TYW3: variants seen among roughly 807,000 people sequenced by gnomAD.
TYW3 encodes tRNA wybutosine-synthesizing protein 3 homolog.
A neutral mutation model predicts 23.1 loss-of-function variants in TYW3; 26 were observed. The ratio of observed to expected loss-of-function variants is 1.13; its 90% CI spans 0.83 to 1.56. TYW3 has a LOEUF of 1.56. Ranked by LOEUF, TYW3 falls within the 40% of genes most tolerant of loss-of-function variation. The probability of loss-of-function intolerance (pLI) is 0.00; values close to 1 mark genes in which losing one functional copy is unlikely to be tolerated. For missense variants in TYW3, 316 were observed against 311.9 expected (o/e 1.01, Z -0.10); for synonymous variants, 102 against 105.7 (o/e 0.97, Z 0.21).
intron 1 of TYW3, among the ~76,000 whole-genome samples, chr1:74,734,443 A>G (rs1240738924): frequency 6.6e-6 from 1 of 152,240 alleles, no homozygotes; most frequent in Non-Finnish European, 1.5e-5. Flanking sequence ...TGGATCTGCC[A>G]ACAGTAAGTT....
In TYW3 at chr1:74,733,298, G is replaced by T. The variant is rs373297788; in HGVS notation, c.54G>T (p.Ala18=). 1.6e-5 allele frequency: 26 copies of T among 1,614,080 alleles called. No homozygotes were observed. The highest frequency in any genetic ancestry group is 1.6e-4 in the Middle Eastern group (1 of 6,084). Residue 18 remains alanine (A), a synonymous_variant, in exon 1 of 6, where the codon GCG becomes GCT. Coordinates refer to ENST00000370867, the MANE Select transcript of TYW3 (RefSeq NM_138467.3). ...GGAAGGCGCAATGTTTGAGCAAAGCGGACCTCAGCCGGAAGGGCAGTGTTG... is the reference window on the plus strand; with the variant it reads ...GGAAGGCGCAATGTTTGAGCAAAGCTGACCTCAGCCGGAAGGGCAGTGTTG... ...RKWKAQCLSK[A]DLSRKGSVDE...
In TYW3 at chr1:74,766,605, TA is replaced by T. The variant is rs1388795301; in HGVS notation, c.*2495del. On this transcript the variant is annotated 3_prime_UTR_variant, in exon 6 of 6. Coordinates refer to ENST00000370867, the MANE Select transcript of TYW3 (RefSeq NM_138467.3). ...AAAGAGTCAAAAAGTTTTAAGAAATTAAAGTTTATAAACCAAATGTTCATTG... is the reference window on the plus strand; with the variant it reads ...AAAGAGTCAAAAAGTTTTAAGAAATTAAGTTTATAAACCAAATGTTCATTG... 3 of 152,202 alleles carry T rather than the reference TA, an allele frequency of 2.0e-5. No homozygotes were observed. Among genetic ancestry groups the T allele is most frequent in the Non-Finnish European group, 4.4e-5 (3 of 68,020 alleles). The allele number at this position is 152,202 out of a possible 1,614,324, so 9.4% of individuals were successfully genotyped here. A position where few individuals can be genotyped will look rare whatever the true frequency, so the allele number is the denominator to read the frequency against.
At chr1:74,755,594 T>C (rs746086908) in intron 5 of TYW3, among the ~76,000 whole-genome samples, 1 of 152,198 alleles carries the variant, frequency 6.6e-6, no homozygotes. Flanking sequence ...ACATTTAAGG[T>C]GTCTTTCCCT....
intron 5 of TYW3, among the ~76,000 whole-genome samples, chr1:74,755,348 T>A (rs1232173801): frequency 2.6e-5 from 4 of 152,238 alleles, no homozygotes; most frequent in African/African-American, 4.8e-5. Flanking sequence ...CGATTCCTCG[T>A]ACTCCATTCC....
chr1:74,738,107 G>GAAA, intron 2 of TYW3, among the ~76,000 whole-genome samples: 2 of 145,020 alleles, frequency 1.4e-5, no homozygotes, highest in East Asian at 2.0e-4. Context: ...AGTGAACAGG[G>GAAA]AAAAAAAAAC....
At chr1:74,747,586 G>T (rs1175011356) in intron 3 of TYW3, among the ~76,000 whole-genome samples, 5 of 147,236 alleles carry the variant, frequency 3.4e-5, no homozygotes, top group Non-Finnish European at 6.0e-5. Flanking sequence ...GCTGTGAGCC[G>T]AGATCCCGCC....
intron 5 of TYW3, among the ~76,000 whole-genome samples, chr1:74,760,364 A>G (rs1649100676): frequency 6.6e-6 from 1 of 152,248 alleles, no homozygotes; most frequent in African/African-American, 2.4e-5. Flanking sequence ...TCAAGGGTCA[A>G]CTGTATACTT....
chr1:74,757,441 T>C (rs1648992694), intron 5 of TYW3, among the ~76,000 whole-genome samples: 1 of 152,254 alleles, frequency 6.6e-6, no homozygotes, highest in South Asian at 2.1e-4. Context: ...GAGATCATTT[T>C]GGAGCTTTAA....
At position 74,747,880 on chromosome 1, in the gene TYW3, CACAT is replaced by C. The variant is rs556862138; in HGVS notation, c.355-869_355-866del. Among the ~76,000 whole-genome samples the C allele has an allele frequency of 6.0e-3, 730 of 120,752 alleles. 2 individuals are homozygous for C. Among genetic ancestry groups the C allele is most frequent in the South Asian group, 0.017 (76 of 4,480 alleles). 79.2% of individuals were successfully genotyped at this position (120,752 alleles called of 152,430 possible). On this transcript the variant is annotated intron_variant, in intron 3 of 5. Transcript: ENST00000370867. ...ATGTATGTATACATACACATACACACACATATACACATATACACACATATATACA... is the reference window on the plus strand; with the variant it reads ...ATGTATGTATACATACACATACACACATACACATATACACACATATATACA...
intron 3 of TYW3, among the ~76,000 whole-genome samples, chr1:74,741,643 T>C (rs1460800965): frequency 6.6e-6 from 1 of 152,200 alleles, no homozygotes; most frequent in Non-Finnish European, 1.5e-5. Context: ...TTCGTTGATA[T>C]TTTGCCAAAG....
At position 74,736,620 on chromosome 1, in the gene TYW3, G is replaced by A. The variant is rs1408789927; in HGVS notation, c.253G>A (p.Val85Met). Residue 85 changes from valine to methionine, a missense_variant and splice_region_variant, in exon 2 of 6, where the codon GTG (valine) becomes ATG (methionine). Val to Met is a conservative substitution (Grantham distance 21, BLOSUM62 1). Transcript: ENST00000370867. ...ACACAAACTTTGTGTAAAAGATGAT[G>A]TGGTAAGTTTTAAAAAATAAATTTG... is the stretch of plus-strand genomic sequence containing the variant. ...VTHKLCVKDD[V>M]IVALKKANGD... 5 of 1,588,392 alleles carry A rather than the reference G, an allele frequency of 3.1e-6. No individual in the cohort carries two copies. Among genetic ancestry groups the A allele is most frequent in the South Asian group, 1.2e-5 (1 of 84,656 alleles).
chr1:74,738,004 A>G (rs936424711), intron 2 of TYW3, among the ~76,000 whole-genome samples: 1 of 152,192 alleles, frequency 6.6e-6, no homozygotes, highest in African/African-American at 2.4e-5. Flanking sequence ...GAAATACAGA[A>G]AGCTAGGAAC....
At chr1:74,760,605 T>C (rs960740428) in intron 5 of TYW3, among the ~76,000 whole-genome samples, 1 of 152,200 alleles carries the variant, frequency 6.6e-6, no homozygotes, top group East Asian at 1.9e-4. Flanking sequence ...GTGTGTTAAA[T>C]GTGGCTTTAC....
At chr1:74,737,237 T>G (rs1032697245) in intron 2 of TYW3, among the ~76,000 whole-genome samples, 1 of 152,092 alleles carries the variant, frequency 6.6e-6, no homozygotes, top group African/African-American at 2.4e-5. Flanking sequence ...AATCTTGTCT[T>G]CAGAGTACCC....
intron 3 of TYW3, among the ~76,000 whole-genome samples, chr1:74,747,594 G>A (rs981219999): frequency 6.9e-6 from 1 of 145,950 alleles, no homozygotes; most frequent in East Asian, 2.0e-4. Flanking sequence ...CCGAGATCCC[G>A]CCACTGCACT....
intron 3 of TYW3, among the ~76,000 whole-genome samples, chr1:74,747,413 G>A (rs548873690): frequency 3.1e-4 from 47 of 151,758 alleles, no homozygotes; most frequent in South Asian, 6.2e-4. Context: ...CGAGGCGGGC[G>A]GATCACGAGG....
At chr1:74,760,565 G>A (rs1022619626) in intron 5 of TYW3, among the ~76,000 whole-genome samples, 3 of 152,044 alleles carry the variant, frequency 2.0e-5, no homozygotes, top group African/African-American at 7.2e-5. Context: ...TGTGATTTCA[G>A]TTAGAGCACT....
At chr1:74,741,288 C>T (rs1183463963) in intron 3 of TYW3, among the ~76,000 whole-genome samples, 1 of 152,138 alleles carries the variant, frequency 6.6e-6, no homozygotes, top group African/African-American at 2.4e-5. Flanking sequence ...GAGGTAAGAG[C>T]CTTTTTAGTC....
intron 1 of TYW3, among the ~76,000 whole-genome samples, chr1:74,736,009 C>T (rs1328184139): frequency 6.6e-6 from 1 of 152,088 alleles, no homozygotes; most frequent in Non-Finnish European, 1.5e-5. Context: ...GAAACTTTGA[C>T]CTTTCAGTCT....
Sources: allele counts gnomAD v4.1 joint callset (sites outside exome capture counted in the v4.1 genomes callset), GRCh38; gene constraint gnomAD v4.1.1; transcripts MANE v1.5; gene names NCBI Gene and HGNC (gene_info 2026-07-23, HGNC 2026-07-21).